Variants in ELMOD1 observed in about 807,000 individuals in gnomAD.
ELMOD1 encodes the protein ELMO domain containing 1, also known as ELMO domain-containing protein 1.
ELMOD1 carries 21 observed loss-of-function variants against 46.7 expected under a neutral mutation model. The observed-to-expected ratio is 0.45, with a 90% CI of 0.32 to 0.65. ELMOD1 has a LOEUF of 0.65. Among genes scored for constraint, ELMOD1 ranks in the 30% least tolerant of loss-of-function variants. The pLI is 0.04. For synonymous variants in ELMOD1, 122 were observed against 138.2 expected (o/e 0.88, Z 0.82); for missense variants, 348 against 407.8 (o/e 0.85, Z 1.26).
At chr11:107,654,271 A>G (rs1866581400) in intron 10 of ELMOD1, 49 bp downstream of exon 10, 3 of 1,440,462 alleles carry the variant, frequency 2.1e-6, no homozygotes, top group African/African-American at 1.4e-5. Context: ...AAACAGAACC[A>G]GAACTAGAAC....
intron 1 of ELMOD1, among the ~76,000 whole-genome samples, chr11:107,599,264 A>G (rs529485668): frequency 3.0e-4 from 46 of 152,308 alleles, no homozygotes; most frequent in African/African-American, 1.0e-3. Flanking sequence ...CCATTCCAAG[A>G]GAAAATTTTT....
At chr11:107,633,586 C>T (rs1866178864) in intron 5 of ELMOD1, among the ~76,000 whole-genome samples, 1 of 152,216 alleles carries the variant, frequency 6.6e-6, no homozygotes, top group South Asian at 2.1e-4. Context: ...GCACGTGCCA[C>T]CACATCTGGC....
chr11:107,650,519 A>T (rs1444910491), intron 8 of ELMOD1, 116 bp downstream of exon 8: 1 of 784,892 alleles, frequency 1.3e-6, no homozygotes, highest in Non-Finnish European at 2.1e-6. Flanking sequence ...AAGCTTTTTC[A>T]AACAAGCCCT....
chr11:107,650,242 C>T, intron 7 of ELMOD1, 93 bp from the exon 8 acceptor site: 1 of 890,774 alleles, frequency 1.1e-6, no homozygotes, highest in South Asian at 1.5e-5. Context: ...GTATCCATCT[C>T]TGGATTCAAA....
At chr11:107,597,485 G>A (rs1157188249) in intron 1 of ELMOD1, among the ~76,000 whole-genome samples, 1 of 152,150 alleles carries the variant, frequency 6.6e-6, no homozygotes, top group African/African-American at 2.4e-5. Context: ...ATACTGTACT[G>A]AAAGTGATGC....
chr11:107,593,324 T>C (rs1308637948), intron 1 of ELMOD1: 4 of 152,260 alleles, frequency 2.6e-5, no homozygotes, highest in Admixed American at 1.3e-4. Flanking sequence ...TGAGGCATGA[T>C]AATAACTCTA....
chr11:107,659,637 G>T (rs888319934), intron 11 of ELMOD1, among the ~76,000 whole-genome samples: 1 of 146,280 alleles, frequency 6.8e-6, no homozygotes, highest in African/African-American at 2.6e-5. Context: ...AGTAACTAGA[G>T]GGGGGTTGGG....
At chr11:107,652,863 T>C (rs952339246) in intron 9 of ELMOD1, among the ~76,000 whole-genome samples, 1 of 152,228 alleles carries the variant, frequency 6.6e-6, no homozygotes, top group African/African-American at 2.4e-5. Flanking sequence ...GTTGTGTGTA[T>C]TATATGCATG....
At chr11:107,604,040 G>A (rs1865647569) in intron 1 of ELMOD1, among the ~76,000 whole-genome samples, 1 of 152,104 alleles carries the variant, frequency 6.6e-6, no homozygotes, top group Non-Finnish European at 1.5e-5. Context: ...GAATGAGACA[G>A]GACAGGAAAA....
At chr11:107,659,935 C>A (rs1312327140) in intron 11 of ELMOD1, among the ~76,000 whole-genome samples, 4 of 152,102 alleles carry the variant, frequency 2.6e-5, no homozygotes, top group Non-Finnish European at 4.4e-5. Flanking sequence ...TGGATTGATA[C>A]GCTTCCAAGA....
chr11:107,618,220 G>C lies in ELMOD1; in HGVS notation c.17+14G>C, dbSNP rs370673748. On this transcript the variant is annotated intron_variant, in intron 2 of 11. Transcript: ENST00000265840. The stretch of plus-strand genomic sequence containing the variant: ...GCACTTCCTGAGGTATGTGTTTACG[G>C]TTCCCTGGCTGAGCCCTCTGCAGTG... The C allele has an allele frequency of 1.2e-4, 184 of 1,559,894 alleles. No individual in the cohort carries two copies. Among genetic ancestry groups the C allele is most frequent in the Non-Finnish European group, 1.4e-4 (159 of 1,151,270 alleles).
At chr11:107,636,765 C>T (rs974872140) in intron 6 of ELMOD1, among the ~76,000 whole-genome samples, 36 of 152,110 alleles carry the variant, frequency 2.4e-4, no homozygotes, top group Non-Finnish European at 4.0e-4. Context: ...TTAAAGATGC[C>T]TCATTCTTGG....
chr11:107,601,715 C>T (rs1865602568), intron 1 of ELMOD1, among the ~76,000 whole-genome samples: 1 of 151,922 alleles, frequency 6.6e-6, no homozygotes, highest in South Asian at 2.1e-4. Flanking sequence ...CAAGCCCAGC[C>T]TATTAATCTT....
intron 1 of ELMOD1, among the ~76,000 whole-genome samples, chr11:107,608,034 G>GA (rs1232172177): frequency 1.7e-4 from 21 of 123,520 alleles, no homozygotes; most frequent in East Asian, 9.7e-4. Context: ...AAAAAAAAAA[G>GA]AAAAAAAAAA....
chr11:107,633,047 G>A (rs1020490600), intron 5 of ELMOD1, among the ~76,000 whole-genome samples: 5 of 152,148 alleles, frequency 3.3e-5, no homozygotes, highest in Admixed American at 1.3e-4. Flanking sequence ...CAGGCTATGT[G>A]TATAAGTTGT....
At chr11:107,641,876 T>C (rs185653652) in intron 6 of ELMOD1, among the ~76,000 whole-genome samples, 1 of 148,202 alleles carries the variant, frequency 6.7e-6, no homozygotes, top group African/African-American at 2.5e-5. Context: ...ATATCTAAAC[T>C]CAGAGGTAAA....
chr11:107,660,204 T>C (rs111229791), intron 11 of ELMOD1, among the ~76,000 whole-genome samples: 2,823 of 152,236 alleles, frequency 0.019, 32 homozygotes, highest in Non-Finnish European at 0.028. Flanking sequence ...ACTAACCAAA[T>C]GCAGTGAAGC....
chr11:107,632,664 A>G (rs1866160725), intron 5 of ELMOD1, among the ~76,000 whole-genome samples: 2 of 152,216 alleles, frequency 1.3e-5, no homozygotes, highest in Admixed American at 6.5e-5. Flanking sequence ...CTTCTAACAT[A>G]TATTTTATTC....
intron 11 of ELMOD1, among the ~76,000 whole-genome samples, chr11:107,656,343 A>G (rs992854388): frequency 6.6e-6 from 1 of 151,222 alleles, no homozygotes; most frequent in Admixed American, 6.6e-5. Flanking sequence ...AGCCGAGATC[A>G]TGCCACTGCA....
Sources: gnomAD v4.1 joint callset for allele counts (sites outside exome capture counted in the v4.1 genomes callset) on GRCh38, gnomAD v4.1.1 for gene constraint, MANE v1.5 for transcripts, NCBI Gene and HGNC (gene_info 2026-07-23, HGNC 2026-07-21) for gene names.